Variants in FBLN2 observed in about 807,000 individuals in gnomAD.
The protein encoded by FBLN2 is fibulin-2.
Under a neutral mutation model 123.7 loss-of-function variants are expected in FBLN2, and 81 were observed. The ratio of observed to expected loss-of-function variants is 0.65; its 90% CI spans 0.55 to 0.79. FBLN2 has a LOEUF of 0.79. Among genes scored for constraint, FBLN2 ranks in the 30% least tolerant of loss-of-function variants. The probability of loss-of-function intolerance (pLI) is 0.00; values close to 1 mark genes in which losing one functional copy is unlikely to be tolerated. For missense variants in FBLN2, 1,603 were observed against 1,681.3 expected, an observed-to-expected ratio of 0.95 and a Z score of 0.81; for synonymous variants, 699 against 701.4, an observed-to-expected ratio of 1.00 and a Z score of 0.05.
At chr3:13,592,442 C>T (rs753034957) in intron 2 of FBLN2, among the ~76,000 whole-genome samples, 1 of 152,162 alleles carries the variant, frequency 6.6e-6, no homozygotes, top group Non-Finnish European at 1.5e-5. Context: ...AGTTTTCCAG[C>T]GTTGTTCTTC....
intron 1 of FBLN2, among the ~76,000 whole-genome samples, chr3:13,567,550 G>A (rs986894361): frequency 6.6e-6 from 1 of 152,166 alleles, no homozygotes; most frequent in Non-Finnish European, 1.5e-5. Flanking sequence ...TAGAGACAGG[G>A]TTTCACCACG....
At chr3:13,555,044 C>G (rs1289399539) in intron 1 of FBLN2, among the ~76,000 whole-genome samples, 2 of 151,854 alleles carry the variant, frequency 1.3e-5, no homozygotes, top group Non-Finnish European at 2.9e-5. Flanking sequence ...CCTCTGCCTC[C>G]CAGGTTCCAG....
intron 1 of FBLN2, among the ~76,000 whole-genome samples, chr3:13,569,486 T>C (rs1050093282): frequency 2.1e-5 from 3 of 143,276 alleles, no homozygotes; most frequent in Non-Finnish European, 4.6e-5. Context: ...GGCCTAGAGA[T>C]GGAAGGAAGG....
chr3:13,616,743 C>T (rs899788850), intron 5 of FBLN2, among the ~76,000 whole-genome samples: 25 of 152,198 alleles, frequency 1.6e-4, no homozygotes, highest in Non-Finnish European at 3.2e-4. Context: ...CCACAGTTGT[C>T]ATACAAAGAG....
chr3:13,573,633 G>A (rs957854816), intron 2 of FBLN2, among the ~76,000 whole-genome samples: 4 of 152,184 alleles, frequency 2.6e-5, no homozygotes, highest in Non-Finnish European at 5.9e-5. Context: ...GCCGGGCGTG[G>A]TGGCTCACGC....
intron 3 of FBLN2, among the ~76,000 whole-genome samples, chr3:13,609,245 G>T (rs1485644136): frequency 1.3e-5 from 2 of 152,224 alleles, no homozygotes; most frequent in Non-Finnish European, 2.9e-5. Flanking sequence ...CGACCGTTGT[G>T]GGGGTGGGGA....
intron 2 of FBLN2, among the ~76,000 whole-genome samples, chr3:13,587,077 G>A (rs1238147539): frequency 6.6e-6 from 1 of 150,464 alleles, no homozygotes; most frequent in African/African-American, 2.4e-5. Context: ...CCCGAGAGGC[G>A]GAGTTTGTAG....
intron 2 of FBLN2, among the ~76,000 whole-genome samples, chr3:13,599,546 A>G (rs952750243): frequency 1.3e-5 from 2 of 149,006 alleles, no homozygotes; most frequent in African/African-American, 5.0e-5. Flanking sequence ...TCTGATTTGT[A>G]TTTGTGGACA....
intron 2 of FBLN2, among the ~76,000 whole-genome samples, chr3:13,572,574 C>T (rs1323473629): frequency 1.3e-5 from 2 of 152,260 alleles, no homozygotes; most frequent in African/African-American, 2.4e-5. Flanking sequence ...GACCAGGGCA[C>T]CCAGGCTTCA....
chr3:13,608,915 C>G (rs1161968439), intron 3 of FBLN2, among the ~76,000 whole-genome samples: 3 of 152,228 alleles, frequency 2.0e-5, no homozygotes, highest in Non-Finnish European at 2.9e-5. Flanking sequence ...CCTTGTCTTT[C>G]CCTTCAGCCA....
chr3:13,594,680 G>A (rs1461507838), intron 2 of FBLN2, among the ~76,000 whole-genome samples: 1 of 152,182 alleles, frequency 6.6e-6, no homozygotes, highest in African/African-American at 2.4e-5. Context: ...CCTGGGCCCA[G>A]GAAACAGCTT....
chr3:13,606,546 C>A (rs1348163942), intron 2 of FBLN2, among the ~76,000 whole-genome samples: 6 of 152,230 alleles, frequency 3.9e-5, no homozygotes, highest in Non-Finnish European at 5.9e-5. Context: ...CCACATGTAA[C>A]TTTTGACTCC....
At chr3:13,621,254 A>T (rs1705840352) in intron 8 of FBLN2, among the ~76,000 whole-genome samples, 1 of 152,254 alleles carries the variant, frequency 6.6e-6, no homozygotes, top group African/African-American at 2.4e-5. Context: ...TGAGTTCCAA[A>T]CGTGTTGAGC....
chr3:13,593,608 G>A (rs1246799076), intron 2 of FBLN2, among the ~76,000 whole-genome samples: 6 of 151,936 alleles, frequency 3.9e-5, no homozygotes, highest in Non-Finnish European at 7.4e-5. Context: ...CAGCTACTCG[G>A]GAGGCTGAGG....
At chr3:13,612,732 TCC>T (rs1705448188) in intron 4 of FBLN2, among the ~76,000 whole-genome samples, 1 of 152,180 alleles carries the variant, frequency 6.6e-6, no homozygotes, top group African/African-American at 2.4e-5. Flanking sequence ...AGGATAATAA[TCC>T]ATGTCTTTTT....
chr3:13,617,254 C>G (rs1705649566), intron 5 of FBLN2, among the ~76,000 whole-genome samples: 1 of 151,884 alleles, frequency 6.6e-6, no homozygotes, highest in African/African-American at 2.4e-5. Flanking sequence ...GTCCACCCAT[C>G]CATCTACCCA....
chr3:13,637,471 G>T, intron 17 of FBLN2, 91 bp from the exon 18 acceptor site: 1 of 1,222,276 alleles, frequency 8.2e-7, no homozygotes. Context: ...GCTGGCCCTT[G>T]ATCCTGCCGC....
intron 2 of FBLN2, 76 bp from the exon 3 acceptor site, chr3:13,607,986 C>T: frequency 8.4e-7 from 1 of 1,184,896 alleles, no homozygotes; most frequent in Non-Finnish European, 1.2e-6. Flanking sequence ...GTAAAGGAGA[C>T]CTGGACAGGC....
intron 10 of FBLN2, 133 bp from the exon 11 acceptor site, chr3:13,627,699 G>A (rs554139880): frequency 4.2e-6 from 5 of 1,181,142 alleles, no homozygotes; most frequent in South Asian, 1.7e-5. Context: ...CAATGTGGCT[G>A]TGCCAGCTTC....
Sources: allele counts gnomAD v4.1 joint callset (sites outside exome capture counted in the v4.1 genomes callset), GRCh38; gene constraint gnomAD v4.1.1; transcripts MANE v1.5; gene names NCBI Gene and HGNC (gene_info 2026-07-23, HGNC 2026-07-21).